ZYG11B: variants seen among roughly 807,000 people sequenced by gnomAD.
The protein encoded by ZYG11B is protein zyg-11 homolog B.
ZYG11B carries 36 observed loss-of-function variants against 82.4 expected under a neutral mutation model. The ratio of observed to expected loss-of-function variants is 0.44; its 90% CI spans 0.33 to 0.58. The LOEUF is 0.58. ZYG11B is among the 20% of genes least tolerant of loss of function. ZYG11B has a pLI of 0.02. For synonymous variants in ZYG11B, 303 were observed against 312.8 expected (o/e 0.97, Z 0.33); for missense variants, 552 against 895.6 (o/e 0.62, Z 4.90).
intron 12 of ZYG11B, 60 bp from the exon 13 acceptor site, chr1:52,816,472 C>A: frequency 8.2e-7 from 1 of 1,214,230 alleles, no homozygotes; most frequent in Non-Finnish European, 1.2e-6. Context: ...GGAATCACTG[C>A]TTTAGGAAAT....
At chr1:52,817,161 A>C (rs1645232245) in intron 13 of ZYG11B, among the ~76,000 whole-genome samples, 2 of 152,234 alleles carry the variant, frequency 1.3e-5, no homozygotes, top group African/African-American at 4.8e-5. Context: ...AATAGTGGTG[A>C]ATGAGACACT....
chr1:52,773,617 ATATATATATATTTTTTTTTTTTTTTTTT>A (rs1181868379), intron 3 of ZYG11B, among the ~76,000 whole-genome samples: 1 of 21,662 alleles, frequency 4.6e-5, no homozygotes, highest in African/African-American at 1.4e-4. Flanking sequence ...ATATATATAT[ATATATATATATTTTTTTTTTTTTTTTTT>A]TTTTTTTTTT....
chr1:52,786,114 A>T (rs1443951304), intron 5 of ZYG11B, among the ~76,000 whole-genome samples: 1 of 152,230 alleles, frequency 6.6e-6, no homozygotes, highest in South Asian at 2.1e-4. Flanking sequence ...TAAAATAAAA[A>T]ACATACCATT....
chr1:52,749,843 G>A (rs1458319645), intron 1 of ZYG11B, among the ~76,000 whole-genome samples: 1 of 151,812 alleles, frequency 6.6e-6, no homozygotes, highest in Non-Finnish European at 1.5e-5. Flanking sequence ...ATGAGCCACC[G>A]TGCCCATCCT....
chr1:52,738,747 G>A (rs956120847), intron 1 of ZYG11B, among the ~76,000 whole-genome samples: 1 of 151,464 alleles, frequency 6.6e-6, no homozygotes, highest in African/African-American at 2.4e-5. Flanking sequence ...AGCCTCCTGA[G>A]TAGCTGGGAT....
At chr1:52,769,562 A>G (rs1644728481) in intron 2 of ZYG11B, among the ~76,000 whole-genome samples, 1 of 152,242 alleles carries the variant, frequency 6.6e-6, no homozygotes, top group Non-Finnish European at 1.5e-5. Flanking sequence ...ATTGGGCAGC[A>G]CAGCTCTAAA....
At chr1:52,790,539 G>C (rs1394207612) in intron 6 of ZYG11B, among the ~76,000 whole-genome samples, 3 of 151,948 alleles carry the variant, frequency 2.0e-5, no homozygotes, top group Non-Finnish European at 4.4e-5. Context: ...GACCAGCCTG[G>C]TGAAACCCTG....
intron 3 of ZYG11B, among the ~76,000 whole-genome samples, chr1:52,777,846 A>C (rs946702647): frequency 6.6e-6 from 1 of 152,218 alleles, no homozygotes; most frequent in Non-Finnish European, 1.5e-5. Flanking sequence ...AAAAAGACTA[A>C]ATCTTCCCCT....
intron 5 of ZYG11B, among the ~76,000 whole-genome samples, chr1:52,788,332 C>A (rs1388174504): frequency 6.6e-6 from 1 of 152,180 alleles, no homozygotes; most frequent in African/African-American, 2.4e-5. Flanking sequence ...TTTCTCTTTT[C>A]CATTTCTACC....
chr1:52,772,726 G>A, intron 3 of ZYG11B: 1 of 658,986 alleles, frequency 1.5e-6, no homozygotes, highest in Non-Finnish European at 2.7e-6. Flanking sequence ...CGCCCAGGCT[G>A]GAGTGCAGTG....
chr1:52,752,002 C>A (rs1644529790), intron 1 of ZYG11B, among the ~76,000 whole-genome samples: 1 of 151,274 alleles, frequency 6.6e-6, no homozygotes, highest in Non-Finnish European at 1.5e-5. Context: ...TTCTCCTATT[C>A]TCAGCAGACA....
chr1:52,797,534 G>T (rs1645036577), intron 8 of ZYG11B, among the ~76,000 whole-genome samples: 1 of 111,090 alleles, frequency 9.0e-6, no homozygotes, highest in Non-Finnish European at 1.8e-5. Flanking sequence ...TTTAGACAGA[G>T]TCTCGCACTG....
At chr1:52,810,985 G>A (rs1224099167) in intron 10 of ZYG11B, among the ~76,000 whole-genome samples, 2 of 146,872 alleles carry the variant, frequency 1.4e-5, no homozygotes, top group African/African-American at 2.5e-5. Flanking sequence ...AGTGAGCTGA[G>A]ATCCTGCCAT....
At chr1:52,819,493 A>G (rs1423588573) in intron 13 of ZYG11B, among the ~76,000 whole-genome samples, 1 of 152,164 alleles carries the variant, frequency 6.6e-6, no homozygotes, top group African/African-American at 2.4e-5. Flanking sequence ...TAAGTAAATA[A>G]TAGTGCATTT....
intron 1 of ZYG11B, among the ~76,000 whole-genome samples, chr1:52,747,616 G>A (rs1018838841): frequency 1.3e-5 from 2 of 151,776 alleles, no homozygotes; most frequent in African/African-American, 4.8e-5. Flanking sequence ...TAAAAATCAG[G>A]GACTGCATGT....
At chr1:52,774,386 C>G (rs1247217945) in intron 3 of ZYG11B, among the ~76,000 whole-genome samples, 1 of 150,450 alleles carries the variant, frequency 6.6e-6, no homozygotes, top group Non-Finnish European at 1.5e-5. Flanking sequence ...CGGCTCACAG[C>G]AACCTCCACC....
At chr1:52,797,047 T>C (rs61630338) in intron 8 of ZYG11B, among the ~76,000 whole-genome samples, 1 of 88,750 alleles carries the variant, frequency 1.1e-5, no homozygotes, top group Non-Finnish European at 1.9e-5. Flanking sequence ...ATATAAATTT[T>C]TATATATTAT....
At chr1:52,743,969 G>A (rs1214870338) in intron 1 of ZYG11B, among the ~76,000 whole-genome samples, 2 of 151,060 alleles carry the variant, frequency 1.3e-5, no homozygotes, top group Non-Finnish European at 2.9e-5. Context: ...GTCTCGCTCT[G>A]TCACCCAGAC....
At chr1:52,758,928 A>ATAT (rs572885491) in intron 2 of ZYG11B, among the ~76,000 whole-genome samples, 4,113 of 151,768 alleles carry the variant, frequency 0.027, 70 homozygotes, top group Non-Finnish European at 0.043. Flanking sequence ...TATGCTCAGT[A>ATAT]TATTATTATT....
Sources: gnomAD v4.1 joint callset for allele counts (sites outside exome capture counted in the v4.1 genomes callset) on GRCh38, gnomAD v4.1.1 for gene constraint, MANE v1.5 for transcripts, NCBI Gene and HGNC (gene_info 2026-07-23, HGNC 2026-07-21) for gene names.